Variants in PIP5K1C observed in about 807,000 individuals in gnomAD.
PIP5K1C encodes phosphatidylinositol 4-phosphate 5-kinase type-1 gamma.
A neutral mutation model predicts 80.1 loss-of-function variants in PIP5K1C; 45 were observed. The observed-to-expected ratio is 0.56, with a 90% CI of 0.44 to 0.72. PIP5K1C has a LOEUF of 0.72. Among genes scored for constraint, PIP5K1C ranks in the 30% least tolerant of loss-of-function variants. The pLI is 0.00. For synonymous variants in PIP5K1C, 498 were observed against 420.1 expected (o/e 1.19, Z -2.27); for missense variants, 753 against 954.6 (o/e 0.79, Z 2.78).
chr19:3,680,174 TTGTC>T (rs1341417158), intron 1 of PIP5K1C, among the ~76,000 whole-genome samples: 18 of 152,364 alleles, frequency 1.2e-4, no homozygotes, highest in African/African-American at 4.3e-4. Context: ...TGTCAGGTGA[TTGTC>T]TGTTGGCTCG....
intron 1 of PIP5K1C, among the ~76,000 whole-genome samples, chr19:3,678,235 GAT>G (rs2035452742): frequency 7.7e-6 from 1 of 130,158 alleles, no homozygotes; most frequent in African/African-American, 2.9e-5. Flanking sequence ...AGGGATGGAG[GAT>G]GGAGGAATGG....
At chr19:3,699,269 G>A (rs1220128332) in intron 1 of PIP5K1C, among the ~76,000 whole-genome samples, 3 of 150,492 alleles carry the variant, frequency 2.0e-5, no homozygotes, top group Admixed American at 6.7e-5. Context: ...GAAGGAACCG[G>A]GTCACCTACC....
intron 8 of PIP5K1C, among the ~76,000 whole-genome samples, chr19:3,650,670 T>C (rs915553002): frequency 6.6e-6 from 1 of 152,248 alleles, no homozygotes; most frequent in African/African-American, 2.4e-5. Context: ...GCCTGGTCCC[T>C]CTGCCCCTGG....
chr19:3,636,723 T>G, intron 16 of PIP5K1C: 1 of 986,492 alleles, frequency 1.0e-6, no homozygotes, highest in Non-Finnish European at 1.2e-6. Flanking sequence ...CACACAGAGG[T>G]GCTCGGAGAG....
At position 3,637,143 on chromosome 19, in the gene PIP5K1C, G is replaced by A. The variant is rs911812956; in HGVS notation, c.1920+1741C>T. The A allele has an allele frequency of 2.2e-5, 31 of 1,394,088 alleles. No homozygotes were observed. Among genetic ancestry groups the A allele is most frequent in the Admixed American group, 9.2e-5 (3 of 32,636 alleles). The allele number at this position is 1,394,088 out of a possible 1,614,324, so 86.4% of individuals were successfully genotyped here. A position where few individuals can be genotyped will look rare whatever the true frequency, so the allele number is the denominator to read the frequency against. On this transcript the variant is annotated intron_variant, in intron 16 of 17. Transcript: ENST00000335312. This position sits in a 1 kb window ranked among gnomAD's most constrained non-coding sequence, Gnocchi z 7.0. ...GTGCAACCTCCCCTGTGCAGCCAGC[G>A]GGGCCACGGGCAGCCAGGTCTGCAC...
At position 3,637,703 on chromosome 19, in the gene PIP5K1C, C is replaced by A. The variant is rs972548350; in HGVS notation, c.1920+1181G>T. 7.4e-7 allele frequency: 1 copy of A among 1,359,512 alleles called. No homozygotes were observed. The highest frequency in any genetic ancestry group is 3.5e-5 in the East Asian group (1 of 28,646). The allele number at this position is 1,359,512 out of a possible 1,614,324, so 84.2% of individuals were successfully genotyped here. A position where few individuals can be genotyped will look rare whatever the true frequency, so the allele number is the denominator to read the frequency against. ...CACCCCCGTGGTCGGGTGGGAGAGG[C>A]GGAGGGAGGTGGCGGGGAGCAGGTG... On this transcript the variant is annotated intron_variant, in intron 16 of 17. Transcript: ENST00000335312. The surrounding 1 kb of genome is among the most constrained non-coding windows in gnomAD (Gnocchi z 7.0).
chr19:3,694,971 C>T (rs1600099838), intron 1 of PIP5K1C, among the ~76,000 whole-genome samples: 1 of 152,388 alleles, frequency 6.6e-6, no homozygotes, highest in East Asian at 1.9e-4. Flanking sequence ...CACTCAGCTC[C>T]CAGCTCTGCC....
rs1600003898 is a variant in PIP5K1C at position 3,661,087 on chromosome 19, T to C, written c.351-4A>G. On this transcript the variant is annotated splice_region_variant and splice_polypyrimidine_tract_variant and intron_variant, in intron 4 of 17. Transcript: ENST00000335312. Reference sequence around the variant, plus strand: ...GGGGGTGAGGTTGCTGCCTTCGCTGTGGAGGAAGGACGGGAGGAAACCTGT... The same window carrying C: ...GGGGGTGAGGTTGCTGCCTTCGCTGCGGAGGAAGGACGGGAGGAAACCTGT... 6.2e-7 allele frequency: 1 copy of C among 1,609,330 alleles called. No individual in the cohort carries two copies. Among genetic ancestry groups the C allele is most frequent in the Non-Finnish European group, 8.5e-7 (1 of 1,176,070 alleles).
chr19:3,665,028 C>G (rs959640609), intron 2 of PIP5K1C, 114 bp from the exon 3 acceptor site: 79 of 860,170 alleles, frequency 9.2e-5, no homozygotes, highest in Admixed American at 1.8e-4. Context: ...CAGGGGTGCA[C>G]AGGGCAGGGG....
intron 5 of PIP5K1C, among the ~76,000 whole-genome samples, chr19:3,657,205 C>T (rs922068195): frequency 6.6e-6 from 1 of 152,194 alleles, no homozygotes; most frequent in Non-Finnish European, 1.5e-5. Flanking sequence ...CTGTTTGTTT[C>T]ATGATGTGCT....
rs923907978 is a variant in PIP5K1C at position 3,696,951 on chromosome 19, G to A, written c.94+3346C>T. Among the ~76,000 whole-genome samples, 2 of 152,216 alleles carry A rather than the reference G, an allele frequency of 1.3e-5. No homozygotes were observed. Among genetic ancestry groups the A allele is most frequent in the Non-Finnish European group, 2.9e-5 (2 of 68,032 alleles). On this transcript the variant is annotated intron_variant, in intron 1 of 17. Transcript: ENST00000335312. The surrounding 1 kb of genome is among the most constrained non-coding windows in gnomAD (Gnocchi z 4.1). Reference sequence around the variant, plus strand: ...GCAGGGGCGCCAGGCCTGGCTCAGGGGGCAAAGGAGGACTGAGCTGGACCG... The same window carrying A: ...GCAGGGGCGCCAGGCCTGGCTCAGGAGGCAAAGGAGGACTGAGCTGGACCG...
intron 12 of PIP5K1C, among the ~76,000 whole-genome samples, 175 bp downstream of exon 12, chr19:3,643,911 CT>C (rs2034093650): frequency 6.6e-6 from 1 of 152,160 alleles, no homozygotes; most frequent in African/African-American, 2.4e-5. Context: ...TCAGCTCCCC[CT>C]GGGCTCTTCC....
In PIP5K1C at chr19:3,633,140, G is replaced by A. The variant is rs375998412; in HGVS notation, c.*27C>T. On this transcript the variant is annotated 3_prime_UTR_variant, in exon 18 of 18. Coordinates refer to ENST00000335312, the MANE Select transcript of PIP5K1C (RefSeq NM_012398.3). The stretch of plus-strand genomic sequence containing the variant: ...GGCAGCCGGAGCAGAAGTGGAGCTC[G>A]GCTCTGGGTCGGGGGCTGCATAGAA... 6 of 761,088 alleles carry A rather than the reference G, an allele frequency of 7.9e-6. No homozygotes were observed. The highest frequency in any genetic ancestry group is 3.6e-5 in the Admixed American group (2 of 55,940). 47.1% of individuals were successfully genotyped at this position (761,088 alleles called of 1,614,324 possible).
intron 10 of PIP5K1C, among the ~76,000 whole-genome samples, chr19:3,646,297 T>A (rs1052467962): frequency 6.6e-6 from 1 of 152,022 alleles, no homozygotes; most frequent in African/African-American, 2.4e-5. Context: ...TAGAGACCTG[T>A]TAGCATTTTT....
chr19:3,698,101 G>C (rs1462588231), intron 1 of PIP5K1C, among the ~76,000 whole-genome samples: 1 of 152,270 alleles, frequency 6.6e-6, no homozygotes, highest in Non-Finnish European at 1.5e-5. Flanking sequence ...CGCTGTAGCT[G>C]AGCTTTCTGG....
chr19:3,648,624 C>T lies in PIP5K1C; in HGVS notation c.1211+1G>A, dbSNP rs746562955. The T allele has an allele frequency of 1.2e-6, 2 of 1,612,594 alleles. No individual in the cohort carries two copies. Among genetic ancestry groups the T allele is most frequent in the Non-Finnish European group, 1.7e-6 (2 of 1,179,532 alleles). ...GTAGGACTGCAGACCCGGGCACCCACCTGTAGGACTGCAGGATGTCGATGA... is the reference window on the plus strand; with the variant it reads ...GTAGGACTGCAGACCCGGGCACCCATCTGTAGGACTGCAGGATGTCGATGA... On this transcript the variant is annotated splice_donor_variant, in intron 9 of 17. Transcript: ENST00000335312. LOFTEE classifies it high-confidence loss of function. This position sits in a 1 kb window ranked among gnomAD's most constrained non-coding sequence, Gnocchi z 4.3.
chr19:3,697,324 A>G (rs2036152179), intron 1 of PIP5K1C, among the ~76,000 whole-genome samples: 2 of 149,198 alleles, frequency 1.3e-5, no homozygotes, highest in Non-Finnish European at 1.5e-5. Context: ...GGCCGGACGG[A>G]GGAGGACCGA....
At chr19:3,670,457 C>G (rs1039731090) in intron 1 of PIP5K1C, among the ~76,000 whole-genome samples, 1 of 152,184 alleles carries the variant, frequency 6.6e-6, no homozygotes, top group African/African-American at 2.4e-5. Flanking sequence ...CAAGGATGCC[C>G]GGAGGCACCA....
intron 3 of PIP5K1C, among the ~76,000 whole-genome samples, chr19:3,662,557 GTTA>G (rs780363239): frequency 6.6e-5 from 10 of 152,096 alleles, no homozygotes; most frequent in Non-Finnish European, 1.3e-4. Context: ...GTCAGCTGCT[GTTA>G]TTATTTTTAT....
Sources: allele counts gnomAD v4.1 joint callset (sites outside exome capture counted in the v4.1 genomes callset), GRCh38; gene constraint gnomAD v4.1.1; non-coding constraint Gnocchi (gnomAD v3.1); transcripts MANE v1.5; gene names NCBI Gene and HGNC (gene_info 2026-07-23, HGNC 2026-07-21).